PLEKHA7: variants seen among roughly 807,000 people sequenced by gnomAD.
PLEKHA7 encodes the protein pleckstrin homology domain containing A7, also known as pleckstrin homology domain-containing family A member 7.
Under a neutral mutation model 170.0 loss-of-function variants are expected in PLEKHA7, and 104 were observed. That is an observed-to-expected ratio of 0.61 (90% CI 0.52 to 0.72). PLEKHA7 has a LOEUF of 0.72. PLEKHA7 is among the 30% of genes least tolerant of loss of function. The pLI, the probability that PLEKHA7 is intolerant of heterozygous loss-of-function variation, is 0.00. For missense variants in PLEKHA7, 1,615 were observed against 1,671.7 expected (o/e 0.97, Z 0.59); for synonymous variants, 648 against 660.8 (o/e 0.98, Z 0.30).
chr11:16,910,732 A>G (rs1386677703), intron 3 of PLEKHA7, among the ~76,000 whole-genome samples: 1 of 152,254 alleles, frequency 6.6e-6, no homozygotes, highest in Non-Finnish European at 1.5e-5. Context: ...TATACAGGAC[A>G]GCCCCCCACA....
chr11:16,993,497 T>C (rs973323), intron 3 of PLEKHA7, among the ~76,000 whole-genome samples: 26,086 of 152,082 alleles, frequency 0.17, 2,754 homozygotes, highest in Middle Eastern at 0.33. Flanking sequence ...GGCAGAGTCA[T>C]TGTGAAGAGC....
At chr11:16,825,238 C>G (rs1440948644) in intron 10 of PLEKHA7, among the ~76,000 whole-genome samples, 1 of 152,248 alleles carries the variant, frequency 6.6e-6, no homozygotes, top group Non-Finnish European at 1.5e-5. Flanking sequence ...CACTGACCAC[C>G]TCCAGAGTCC....
chr11:16,979,190 T>G (rs1436146746), intron 3 of PLEKHA7, among the ~76,000 whole-genome samples: 12 of 152,216 alleles, frequency 7.9e-5, no homozygotes, highest in Admixed American at 7.9e-4. Context: ...CTACCACGCC[T>G]GGCTAATTTT....
chr11:16,950,855 T>C (rs977817548), intron 3 of PLEKHA7, among the ~76,000 whole-genome samples: 1 of 152,192 alleles, frequency 6.6e-6, no homozygotes, highest in Non-Finnish European at 1.5e-5. Flanking sequence ...CCTCCCCACC[T>C]CACTTCCTCG....
At chr11:16,892,454 G>GT (rs1262529879) in intron 3 of PLEKHA7, among the ~76,000 whole-genome samples, 8,875 of 111,864 alleles carry the variant, frequency 0.079, 376 homozygotes, top group Non-Finnish European at 0.12. Context: ...GTTTTGTTTT[G>GT]TTTTGTTTTG....
intron 3 of PLEKHA7, among the ~76,000 whole-genome samples, chr11:16,876,932 G>GCGAC (rs1855342594): frequency 6.6e-6 from 1 of 152,162 alleles, no homozygotes; most frequent in South Asian, 2.1e-4. Context: ...GAACAGTGGG[G>GCGAC]GTCGGAGCAC....
intron 3 of PLEKHA7, 103 bp downstream of exon 3, chr11:17,013,886 C>T: frequency 7.7e-7 from 1 of 1,295,356 alleles, no homozygotes; most frequent in South Asian, 1.7e-5. Context: ...CGCCAACGAG[C>T]CCGGGCCGGC....
intron 3 of PLEKHA7, among the ~76,000 whole-genome samples, chr11:16,887,271 A>AC (rs1264359288): frequency 6.6e-6 from 1 of 151,032 alleles, no homozygotes. Flanking sequence ...ATATGGCAAA[A>AC]CCCCATCTCT....
Position 16,961,257 on chromosome 11 carries a change from C to T in PLEKHA7, c.221+52732G>A, listed in dbSNP as rs189636499. Among the ~76,000 whole-genome samples the T allele has an allele frequency of 3.8e-3, 573 of 152,340 alleles. 2 individuals carry two copies. The highest frequency in any genetic ancestry group is 7.0e-3 in the South Asian group (34 of 4,828). On this transcript the variant is annotated intron_variant, in intron 3 of 26. Coordinates refer to ENST00000531066, the MANE Select transcript of PLEKHA7 (RefSeq NM_001329630.2). ...GCCACTCACTAGGATGACCAAGGCTCCAGAAGAAAGGACAGAATCTTGGCG... is the reference window on the plus strand; with the variant it reads ...GCCACTCACTAGGATGACCAAGGCTTCAGAAGAAAGGACAGAATCTTGGCG...
rs547698894 is a variant in PLEKHA7, at chr11:16,945,030, G to A, written c.221+68959C>T. Among the ~76,000 whole-genome samples the A allele has an allele frequency of 5.9e-5, 9 of 152,160 alleles. 1 individual carries two copies. The East Asian group carries it at 9.7e-4, about 16-fold the overall frequency. ...CTACTCACTGCAACTTCTGCCTCCC[G>A]GGTTCAAGCAATTCTCCTGCCTCAG... On this transcript the variant is annotated intron_variant, in intron 3 of 26. Coordinates refer to ENST00000531066, the MANE Select transcript of PLEKHA7 (RefSeq NM_001329630.2).
At chr11:16,782,627 C>A in intron 26 of PLEKHA7, 127 bp downstream of exon 26, 2 of 1,247,064 alleles carry the variant, frequency 1.6e-6, no homozygotes, top group Non-Finnish European at 2.2e-6. Flanking sequence ...GGGAACACAC[C>A]ACTGACCCTC....
chr11:16,960,929 C>T (rs1423313055), intron 3 of PLEKHA7, among the ~76,000 whole-genome samples: 1 of 152,078 alleles, frequency 6.6e-6, no homozygotes, highest in Non-Finnish European at 1.5e-5. Context: ...AACCCAAGCT[C>T]ATCCTGAAAC....
At chr11:16,888,837 A>T (rs1856385212) in intron 3 of PLEKHA7, among the ~76,000 whole-genome samples, 1 of 152,098 alleles carries the variant, frequency 6.6e-6, no homozygotes, top group Non-Finnish European at 1.5e-5. Context: ...CCCAAGAATG[A>T]TCAATAAATA....
At chr11:16,799,038 T>A (rs1383879820) in intron 17 of PLEKHA7, among the ~76,000 whole-genome samples, 1 of 151,582 alleles carries the variant, frequency 6.6e-6, no homozygotes, top group African/African-American at 2.4e-5. Context: ...TAGAAACCTA[T>A]AATCCCTGCT....
At chr11:16,872,287 T>G (rs1854920879) in intron 3 of PLEKHA7, among the ~76,000 whole-genome samples, 1 of 151,990 alleles carries the variant, frequency 6.6e-6, no homozygotes, top group African/African-American at 2.4e-5. Flanking sequence ...TTTTAAAATG[T>G]AGAAAGTAAA....
chr11:16,938,700 G>A (rs1263255916), intron 3 of PLEKHA7, among the ~76,000 whole-genome samples: 1 of 152,228 alleles, frequency 6.6e-6, no homozygotes, highest in Admixed American at 6.5e-5. Flanking sequence ...ACAGAATAGA[G>A]ATGAGAAAGA....
chr11:16,934,991 C>T (rs957098823), intron 3 of PLEKHA7, among the ~76,000 whole-genome samples: 1 of 152,158 alleles, frequency 6.6e-6, no homozygotes, highest in Non-Finnish European at 1.5e-5. Context: ...TCTTAATGTA[C>T]TACATGTGAA....
rs7929720 is a variant in PLEKHA7 at position 16,998,737 on chromosome 11, A to G, written c.221+15252T>C. On this transcript the variant is annotated intron_variant, in intron 3 of 26. Transcript: ENST00000531066. ...TCCATAAGTGGATATAATTTCAAGT[A>G]CCACCAATTACATCTAGAAATGCAT... Among the ~76,000 whole-genome samples the G allele has an allele frequency of 6.1e-3, 933 of 152,306 alleles. 14 individuals carry two copies. The highest frequency in any genetic ancestry group is 0.022 in the African/African-American group (901 of 41,544).
intron 14 of PLEKHA7, 57 bp downstream of exon 14, chr11:16,803,170 C>G: frequency 1.3e-6 from 2 of 1,578,972 alleles, no homozygotes; most frequent in Non-Finnish European, 1.7e-6. Context: ...AAGCTGTTCA[C>G]CCGGGGTCTG....
Sources: allele counts gnomAD v4.1 joint callset (sites outside exome capture counted in the v4.1 genomes callset), GRCh38; gene constraint gnomAD v4.1.1; transcripts MANE v1.5; gene names NCBI Gene and HGNC (gene_info 2026-07-23, HGNC 2026-07-21).